Variants in LRRC4C observed in about 807,000 individuals in gnomAD.
LRRC4C encodes the protein leucine rich repeat containing 4C.
LRRC4C carries 5 observed loss-of-function variants against 33.6 expected under a neutral mutation model. The ratio of observed to expected loss-of-function variants is 0.15; its 90% CI spans 0.08 to 0.31. The LOEUF (loss-of-function observed/expected upper bound fraction) is 0.31, where lower values mean the gene tolerates loss of function less well. LRRC4C is among the 10% of genes least tolerant of loss of function. The probability of loss-of-function intolerance (pLI) is 1.00; values close to 1 mark genes in which losing one functional copy is unlikely to be tolerated. For synonymous variants in LRRC4C, 329 were observed against 302.0 expected (o/e 1.09, Z -0.93); for missense variants, 560 against 796.7 (o/e 0.70, Z 3.58).
chr11:40,115,700 T>G lies in LRRC4C; in HGVS notation c.593A>C (p.Asn198Thr). Reference sequence around the variant, plus strand: ...CATGGCAAGGTTCAAATACCTCAAGTTGGACAGACCTTCAAAGGCACCTTC... The same window carrying G: ...CATGGCAAGGTTCAAATACCTCAAGGTGGACAGACCTTCAAAGGCACCTTC... ...ISEGAFEGLS[N>T]LRYLNLAMCN... Residue 198 changes from asparagine (N) to threonine (T), a missense_variant, in exon 7 of 7, where the codon AAC becomes ACC. By Grantham distance (65) the Asn-to-Thr change is moderately conservative (BLOSUM62 0). This residue lies in a region of LRRC4C where 455 missense variants were observed against 643.8 expected (regional missense o/e 0.71). Coordinates refer to ENST00000528697, the MANE Select transcript of LRRC4C (RefSeq NM_001258419.2). This position sits in a 1 kb window ranked among gnomAD's most constrained non-coding sequence, Gnocchi z 6.7. 3 of 1,614,148 alleles carry G rather than the reference T, an allele frequency of 1.9e-6. No homozygotes were observed. The highest frequency in any genetic ancestry group is 2.5e-6 in the Non-Finnish European group (3 of 1,180,018).
intron 1 of LRRC4C, among the ~76,000 whole-genome samples, chr11:40,964,320 G>T (rs1406428486): frequency 6.6e-6 from 1 of 151,454 alleles, no homozygotes; most frequent in Non-Finnish European, 1.5e-5. Flanking sequence ...AAAGCAAAAA[G>T]AAAGAAAATA....
At chr11:41,226,741 T>TACACAC (rs59285418) in intron 1 of LRRC4C, among the ~76,000 whole-genome samples, 27,158 of 136,870 alleles carry the variant, frequency 0.2, 2,918 homozygotes, top group Admixed American at 0.35. Context: ...TCCTTACCAT[T>TACACAC]ACACACACAC....
chr11:41,189,611 G>T (rs1201241279), intron 1 of LRRC4C, among the ~76,000 whole-genome samples: 3 of 152,102 alleles, frequency 2.0e-5, no homozygotes, highest in Non-Finnish European at 1.5e-5. Flanking sequence ...AAAGACTAAA[G>T]GAAAGGTTTA....
At chr11:40,928,246 GTTTATAAATATATA>G (rs1197016387) in intron 2 of LRRC4C, among the ~76,000 whole-genome samples, 48 of 150,142 alleles carry the variant, frequency 3.2e-4, no homozygotes, top group Non-Finnish European at 6.2e-4. Flanking sequence ...TGCCATATGT[GTTTATAAATATATA>G]TTTATAAATA....
intron 3 of LRRC4C, among the ~76,000 whole-genome samples, chr11:40,365,808 G>A (rs910931855): frequency 1.3e-5 from 2 of 151,956 alleles, no homozygotes; most frequent in Non-Finnish European, 2.9e-5. Flanking sequence ...CCCCAAGTGG[G>A]TTGTATGAGG....
intron 2 of LRRC4C, among the ~76,000 whole-genome samples, chr11:40,665,317 AAAAAAAAAAT>A (rs1251718695): frequency 3.3e-4 from 9 of 27,004 alleles, no homozygotes; most frequent in African/African-American, 9.6e-4. Context: ...TTAAAAAAAA[AAAAAAAAAAT>A]ATATATATAT....
chr11:40,921,092 A>T (rs1592097005), intron 2 of LRRC4C, among the ~76,000 whole-genome samples: 3 of 151,946 alleles, frequency 2.0e-5, no homozygotes, highest in African/African-American at 4.8e-5. Context: ...AGCTAATTTT[A>T]AAAAAATTTT....
At chr11:40,538,509 CA>C (rs1956570941) in intron 3 of LRRC4C, among the ~76,000 whole-genome samples, 1 of 152,176 alleles carries the variant, frequency 6.6e-6, no homozygotes, top group Non-Finnish European at 1.5e-5. Flanking sequence ...ATATGTGCCA[CA>C]TTTTCTTAAT....
At chr11:40,600,178 C>T (rs1250291277) in intron 3 of LRRC4C, among the ~76,000 whole-genome samples, 1 of 152,196 alleles carries the variant, frequency 6.6e-6, no homozygotes, top group Non-Finnish European at 1.5e-5. Flanking sequence ...AGGGACTTAA[C>T]AGCCACTCAA....
At chr11:41,170,583 A>T (rs1944930033) in intron 1 of LRRC4C, among the ~76,000 whole-genome samples, 1 of 152,210 alleles carries the variant, frequency 6.6e-6, no homozygotes, top group African/African-American at 2.4e-5. Context: ...TCCCTTCCTT[A>T]CACCTTATAC....
At chr11:40,615,078 T>G (rs1279439704) in intron 3 of LRRC4C, among the ~76,000 whole-genome samples, 3 of 151,354 alleles carry the variant, frequency 2.0e-5, no homozygotes, top group Non-Finnish European at 4.4e-5. Flanking sequence ...ACCTTCAATT[T>G]GTAAAAATTG....
intron 2 of LRRC4C, among the ~76,000 whole-genome samples, chr11:40,841,637 A>G (rs1327481158): frequency 6.6e-6 from 1 of 152,184 alleles, no homozygotes; most frequent in Admixed American, 6.5e-5. Context: ...GTGATTATGG[A>G]CTTCCAGCCT....
chr11:40,467,548 C>A (rs1356018957), intron 3 of LRRC4C, among the ~76,000 whole-genome samples: 4 of 152,002 alleles, frequency 2.6e-5, no homozygotes, highest in African/African-American at 9.7e-5. Context: ...GTCTAGACAC[C>A]AACTCTATTG....
intron 1 of LRRC4C, among the ~76,000 whole-genome samples, chr11:41,191,649 C>T (rs892120631): frequency 2.6e-5 from 4 of 152,122 alleles, no homozygotes; most frequent in African/African-American, 9.7e-5. Context: ...TTCAGTTAAA[C>T]TTTAAAGGGC....
Position 41,187,956 on chromosome 11 carries a change from A to G in LRRC4C, c.-495-254233T>C, listed in dbSNP as rs555147859. Among the ~76,000 whole-genome samples the G allele has an allele frequency of 3.9e-5, 6 of 152,336 alleles. No homozygotes were observed. In the South Asian group the frequency reaches 1.2e-3, roughly 32 times the overall value. On this transcript the variant is annotated intron_variant, in intron 1 of 6. Transcript: ENST00000528697. ...TTGGTTTTGCTATAAATGACATCAT[A>G]TCTGAACAGTTTACATACATAATAA...
At chr11:41,193,461 G>A (rs758663917) in intron 1 of LRRC4C, among the ~76,000 whole-genome samples, 15 of 152,088 alleles carry the variant, frequency 9.9e-5, no homozygotes, top group Non-Finnish European at 1.5e-4. Context: ...CTACACCATT[G>A]ATGATGCCAT....
rs139265614 is a variant in LRRC4C, at chr11:40,891,181, G to A, written c.-407+42454C>T. Among the ~76,000 whole-genome samples, 132 of 152,210 alleles carry A rather than the reference G, an allele frequency of 8.7e-4. 1 individual carries two copies. The highest frequency in any genetic ancestry group is 2.8e-3 in the African/African-American group (116 of 41,538). On this transcript the variant is annotated intron_variant, in intron 2 of 6. Transcript: ENST00000528697. ...GGAAGGTGGAGGCGGAGGTTGCAGT[G>A]AGCTGAGATCGCGCCCCTGCACTCC...
chr11:40,880,467 A>C (rs1339652178), intron 2 of LRRC4C, among the ~76,000 whole-genome samples: 1 of 150,024 alleles, frequency 6.7e-6, no homozygotes, highest in African/African-American at 2.4e-5. Flanking sequence ...TTTTTATACC[A>C]AGGGTTTTAT....
Position 41,276,058 on chromosome 11 carries a change from T to G in LRRC4C, c.-496+183373A>C, listed in dbSNP as rs1430538857. On this transcript the variant is annotated intron_variant, in intron 1 of 6. Transcript: ENST00000528697. ...GAGGTGAAAGAATAAAGAAAAAGTA[T>G]GTGCAAAGAGAAGCTGTAAGCCTAA... Among the ~76,000 whole-genome samples the G allele has an allele frequency of 2.6e-5, 4 of 152,176 alleles. No homozygotes were observed. In the East Asian group the frequency reaches 7.7e-4, roughly 29 times the overall value.
Sources: allele counts gnomAD v4.1 joint callset (sites outside exome capture counted in the v4.1 genomes callset), GRCh38; gene constraint gnomAD v4.1.1; regional missense constraint gnomAD v4.1.1; non-coding constraint Gnocchi (gnomAD v3.1); transcripts MANE v1.5; gene names NCBI Gene and HGNC (gene_info 2026-07-23, HGNC 2026-07-21).